Variants in HKDC1 observed in about 807,000 individuals in gnomAD.
HKDC1 encodes the protein hexokinase domain containing 1.
HKDC1 carries 66 observed loss-of-function variants against 96.6 expected under a neutral mutation model. The ratio of observed to expected loss-of-function variants is 0.68; its 90% CI spans 0.56 to 0.84. The LOEUF (loss-of-function observed/expected upper bound fraction) is 0.84. HKDC1 is among the 40% of genes least tolerant of loss of function. The probability of loss-of-function intolerance (pLI) is 0.00; values close to 1 mark genes in which losing one functional copy is unlikely to be tolerated. For missense variants in HKDC1, 1,211 were observed against 1,208.1 expected, an observed-to-expected ratio of 1.00 and a Z score of -0.04; for synonymous variants, 466 against 473.1, an observed-to-expected ratio of 0.98 and a Z score of 0.20.
Position 69,221,149 on chromosome 10 carries a change from TA to T in HKDC1, c.63+660del, listed in dbSNP as rs111985613. On this transcript the variant is annotated intron_variant, in intron 1 of 17. Coordinates refer to ENST00000354624, the MANE Select transcript of HKDC1 (RefSeq NM_025130.4). ...TAGGGGACAAGAGTGAGACTTCATC[TA>T]AAAAAAAAGAACTGTTGGGGCAGAT... Among the ~76,000 whole-genome samples the T allele has an allele frequency of 5.3e-5, 8 of 151,086 alleles. 1 individual carries two copies. The highest frequency in any genetic ancestry group is 1.7e-4 in the African/African-American group (7 of 41,198).
intron 4 of HKDC1, among the ~76,000 whole-genome samples, chr10:69,235,894 A>G (rs1307850530): frequency 1.3e-5 from 2 of 152,132 alleles, no homozygotes; most frequent in African/African-American, 4.8e-5. Context: ...CTTTATGCGC[A>G]TTATCTTGTT....
chr10:69,232,790 C>T lies in HKDC1; in HGVS notation c.253C>T (p.Leu85Phe). Residue 85 changes from leucine (L) to phenylalanine (F), a missense_variant, in exon 3 of 18, where the codon CTC (leucine) becomes TTC (phenylalanine). Leu to Phe is a conservative substitution (Grantham distance 22). Coordinates refer to ENST00000354624, the MANE Select transcript of HKDC1 (RefSeq NM_025130.4). ...SENGEFLSLD[L>F]GGSKFRVLKV... Reference sequence around the variant, plus strand: ...AAATGGGGAGTTCCTTTCCCTGGATCTCGGAGGGTCCAAGTTCCGAGTGCT... The same window carrying T: ...AAATGGGGAGTTCCTTTCCCTGGATTTCGGAGGGTCCAAGTTCCGAGTGCT... 6.2e-7 allele frequency: 1 copy of T among 1,614,160 alleles called. No individual in the cohort carries two copies. Among genetic ancestry groups the T allele is most frequent in the Non-Finnish European group, 8.5e-7 (1 of 1,180,024 alleles).
chr10:69,230,199 G>C (rs1843230114), intron 2 of HKDC1, among the ~76,000 whole-genome samples: 1 of 152,138 alleles, frequency 6.6e-6, no homozygotes, highest in Non-Finnish European at 1.5e-5. Context: ...GTTAATACTG[G>C]AGCCTTCTCT....
In HKDC1 at chr10:69,248,681, C is replaced by A. The variant is rs773543962; in HGVS notation, c.1523C>A (p.Thr508Lys). The A allele has an allele frequency of 3.1e-6, 5 of 1,613,736 alleles. No homozygotes were observed. The highest frequency in any genetic ancestry group is 1.3e-5 in the African/African-American group (1 of 75,050). The change falls in exon 10 of 18, where the codon ACG becomes AAG. Residue 508 changes from threonine (T) to lysine (K), a missense_variant. Thr to Lys is a moderately conservative substitution (Grantham distance 78). Transcript: ENST00000354624. ...GLKKKSHGLA[T>K]VRMLPTYVCG... ...AAGAAGAAGAGCCACGGGCTGGCCA[C>A]GGTCAGGATGCTGCCCACCTACGTC... is the stretch of plus-strand genomic sequence containing the variant.
At chr10:69,227,660 T>C (rs1279569926) in intron 2 of HKDC1, among the ~76,000 whole-genome samples, 1 of 152,138 alleles carries the variant, frequency 6.6e-6, no homozygotes, top group Non-Finnish European at 1.5e-5. Flanking sequence ...GGCTTTTCCG[T>C]CTCAGCGTAG....
Position 69,266,698 on chromosome 10 carries a change from G to C in HKDC1, c.2695G>C (p.Gly899Arg), listed in dbSNP as rs373227806. Residue 899 changes from glycine (G) to arginine (R), a missense_variant, in exon 18 of 18, where the codon GGG (glycine) becomes CGG (arginine). Transcript: ENST00000354624. The stretch of plus-strand genomic sequence containing the variant: ...GCTGTCAGAAGATGGCAGTGGAAAA[G>C]GGGCAGCACTGATCACTGCTGTGGC... ...FMLSEDGSGK[G>R]AALITAVAKR... 30 of 1,614,092 alleles carry C rather than the reference G, an allele frequency of 1.9e-5. No individual in the cohort carries two copies. Among genetic ancestry groups the C allele is most frequent in the Non-Finnish European group, 2.2e-5 (26 of 1,180,036 alleles).
intron 4 of HKDC1, among the ~76,000 whole-genome samples, chr10:69,233,866 C>G (rs927925039): frequency 7.7e-5 from 9 of 116,408 alleles, no homozygotes; most frequent in Admixed American, 5.9e-4. Context: ...CCACTGCACT[C>G]CAGCCTGGGT....
intron 12 of HKDC1, among the ~76,000 whole-genome samples, chr10:69,252,489 CAA>C (rs1381295796): frequency 2.0e-5 from 3 of 151,826 alleles, no homozygotes; most frequent in African/African-American, 7.3e-5. Context: ...ACTAAAAATA[CAA>C]AAAAATTAGC....
At chr10:69,222,494 C>T (rs1439527758) in intron 1 of HKDC1, among the ~76,000 whole-genome samples, 1 of 152,214 alleles carries the variant, frequency 6.6e-6, no homozygotes, top group Non-Finnish European at 1.5e-5. Flanking sequence ...CAAGGGGGAG[C>T]CTTTGGAACC....
At chr10:69,238,987 A>G in intron 4 of HKDC1, 55 bp from the exon 5 acceptor site, 1 of 1,295,792 alleles carries the variant, frequency 7.7e-7, no homozygotes, top group Non-Finnish European at 1.1e-6. Flanking sequence ...TCTGCGGCTC[A>G]GTTGCACATC....
intron 2 of HKDC1, among the ~76,000 whole-genome samples, chr10:69,228,506 T>C (rs927872794): frequency 6.6e-6 from 1 of 152,130 alleles, no homozygotes; most frequent in Non-Finnish European, 1.5e-5. Context: ...AATCTGTAGA[T>C]AGGATCTATG....
rs1197666102 is a variant in HKDC1, at chr10:69,248,910, A to G, written c.1570+182A>G. On this transcript the variant is annotated intron_variant, in intron 10 of 17. Coordinates refer to ENST00000354624, the MANE Select transcript of HKDC1 (RefSeq NM_025130.4). ...GCCTTTGTTAACCCAAGGCATTTGCAGTAAAAACAAAACAAATAAACAAAC... is the reference window on the plus strand; with the variant it reads ...GCCTTTGTTAACCCAAGGCATTTGCGGTAAAAACAAAACAAATAAACAAAC... The G allele has an allele frequency of 1.0e-5, 6 of 599,968 alleles. No individual in the cohort carries two copies. In the East Asian group the frequency reaches 1.4e-4, roughly 14 times the overall value. The allele number at this position is 599,968 out of a possible 1,614,324, so 37.2% of individuals were successfully genotyped here. A position where few individuals can be genotyped will look rare whatever the true frequency, so the allele number is the denominator to read the frequency against.
chr10:69,261,101 G>A, intron 15 of HKDC1, 38 bp from the exon 16 acceptor site: 1 of 1,591,122 alleles, frequency 6.3e-7, no homozygotes, highest in Non-Finnish European at 8.6e-7. Context: ...CTTCTGCATT[G>A]CAGGTCTGCC....
chr10:69,249,589 A>T (rs575361251), intron 10 of HKDC1, among the ~76,000 whole-genome samples: 3 of 152,186 alleles, frequency 2.0e-5, no homozygotes, highest in African/African-American at 7.2e-5. Flanking sequence ...TCCGCCTCCC[A>T]GGTTCACACC....
intron 4 of HKDC1, among the ~76,000 whole-genome samples, chr10:69,233,951 A>G (rs963245693): frequency 1.3e-5 from 2 of 150,372 alleles, no homozygotes; most frequent in Admixed American, 1.3e-4. Flanking sequence ...CCTGGAGCAG[A>G]CACAGAGCCT....
rs745832289 is a variant in HKDC1, at chr10:69,247,568, G to A, written c.1240G>A (p.Gly414Ser). Reference sequence around the variant, plus strand: ...GCTCCGGACCACAGTGGGCATGGACGGCACCCTCTACAAGATACACCCTCA... The same window carrying A: ...GCTCCGGACCACAGTGGGCATGGACAGCACCCTCTACAAGATACACCCTCA... ...ERLRTTVGMD[G>S]TLYKIHPQYP... The change falls in exon 9 of 18, where the codon GGC becomes AGC. Residue 414 changes from glycine (G) to serine (S), a missense_variant. Transcript: ENST00000354624. 18 of 1,613,892 alleles carry A rather than the reference G, an allele frequency of 1.1e-5. No homozygotes were observed. The Admixed American group carries it at 1.2e-4, about 10-fold the overall frequency.
rs755319669 is a variant in HKDC1 at position 69,239,137 on chromosome 10, G to T, written c.591G>T (p.Lys197Asn). 6.2e-7 allele frequency: 1 copy of T among 1,612,518 alleles called. No individual in the cohort carries two copies. Among genetic ancestry groups the T allele is most frequent in the Non-Finnish European group, 8.5e-7 (1 of 1,178,676 alleles). ...SRLTKAMRRH[K>N]DMDVDILALV... ...TGACCAAAGCCATGAGAAGACACAAGGTGAGGAATTCACCTCGGTGTGGGA... is the reference window on the plus strand; with the variant it reads ...TGACCAAAGCCATGAGAAGACACAATGTGAGGAATTCACCTCGGTGTGGGA... The change falls in exon 5 of 18, where the codon AAG becomes AAT. Residue 197 changes from lysine (K) to asparagine (N), a missense_variant and splice_region_variant. Coordinates refer to ENST00000354624, the MANE Select transcript of HKDC1 (RefSeq NM_025130.4).
At chr10:69,224,739 C>T (rs978704890) in intron 1 of HKDC1, among the ~76,000 whole-genome samples, 5 of 152,228 alleles carry the variant, frequency 3.3e-5, no homozygotes, top group African/African-American at 9.6e-5. Context: ...CCAGCTCCCA[C>T]CTTCTGCAAT....
chr10:69,236,959 C>A (rs922727444), intron 4 of HKDC1, among the ~76,000 whole-genome samples: 1 of 152,236 alleles, frequency 6.6e-6, no homozygotes, highest in African/African-American at 2.4e-5. Context: ...TTGAATGTGG[C>A]CTCATCTGGC....
Sources: gnomAD v4.1 joint callset for allele counts (sites outside exome capture counted in the v4.1 genomes callset) on GRCh38, gnomAD v4.1.1 for gene constraint, MANE v1.5 for transcripts, NCBI Gene and HGNC (gene_info 2026-07-23, HGNC 2026-07-21) for gene names.